Variants in TRIM4 observed in about 807,000 individuals in gnomAD.
The protein encoded by TRIM4 is tripartite motif containing 4.
In TRIM4, 29 loss-of-function variants were observed where a neutral mutation model predicts 33.7. The ratio of observed to expected loss-of-function variants is 0.86; its 90% CI spans 0.64 to 1.17. The LOEUF (loss-of-function observed/expected upper bound fraction) is 1.17, where lower values mean the gene tolerates loss of function less well. Ranked by LOEUF, TRIM4 falls within the 50% of genes most tolerant of loss-of-function variation. The pLI is 0.00. For missense variants in TRIM4, 554 were observed against 593.7 expected (o/e 0.93, Z 0.69); for synonymous variants, 224 against 233.0 (o/e 0.96, Z 0.35).
At chr7:99,918,657 G>A (rs1187906107) in intron 1 of TRIM4, among the ~76,000 whole-genome samples, 6 of 151,720 alleles carry the variant, frequency 4.0e-5, no homozygotes, top group Non-Finnish European at 1.5e-5. Context: ...TACAATTAAC[G>A]TCACCTCGTT....
intron 5 of TRIM4, among the ~76,000 whole-genome samples, chr7:99,895,615 ATTC>A (rs1818999710): frequency 6.6e-6 from 1 of 152,226 alleles, no homozygotes; most frequent in Non-Finnish European, 1.5e-5. Context: ...TTGCCTAATT[ATTC>A]TAAAAATTAT....
Position 99,919,343 on chromosome 7 carries a change from T to C in TRIM4, c.59A>G (p.Gln20Arg). 1 of 1,581,834 alleles carries C rather than the reference T, an allele frequency of 6.3e-7. No individual in the cohort carries two copies. Among genetic ancestry groups the C allele is most frequent in the Non-Finnish European group, 8.6e-7 (1 of 1,165,192 alleles). ...GCCGCACTCGATGGACACCGGGTCCTGGAAATAGTCCAGGCAGATGGGGCA... is the reference window on the plus strand; with the variant it reads ...GCCGCACTCGATGGACACCGGGTCCCGGAAATAGTCCAGGCAGATGGGGCA... ...LTCPICLDYF[Q>R]DPVSIECGHN... Residue 20 changes from glutamine to arginine, a missense_variant, in exon 1 of 6, where the codon CAG (glutamine) becomes CGG (arginine). Gln to Arg is a conservative substitution (Grantham distance 43). Coordinates refer to ENST00000349062, the MANE Select transcript of TRIM4 (RefSeq NM_033091.3).
At chr7:99,917,790 G>C in intron 1 of TRIM4, 1 of 982,688 alleles carries the variant, frequency 1.0e-6, no homozygotes, top group Non-Finnish European at 1.2e-6. Context: ...AATTCTGCTG[G>C]AGACCACTGG....
chr7:99,909,537 A>C, intron 2 of TRIM4, 28 bp downstream of exon 2: 1 of 1,604,006 alleles, frequency 6.2e-7, no homozygotes, highest in Non-Finnish European at 8.5e-7. Context: ...CTCAGGAGCA[A>C]GAAATATCCA....
In TRIM4 at chr7:99,903,215, C is replaced by T. The variant is rs765210148; in HGVS notation, c.841+3G>A. 8.7e-6 allele frequency: 14 copies of T among 1,605,510 alleles called. No individual in the cohort carries two copies. The African/African-American group carries it at 1.9e-4, about 22-fold the overall frequency. ...AGCCCCAAGTCCTAGAAATTCTGCT[C>T]ACCTTGGAATCGCTTTAGCATTTCC... On this transcript the variant is annotated splice_donor_region_variant and intron_variant, in intron 5 of 5. Coordinates refer to ENST00000349062, the MANE Select transcript of TRIM4 (RefSeq NM_033091.3).
rs146196299 is a variant in TRIM4 at position 99,914,243 on chromosome 7, G to A, written c.394-4583C>T. Among the ~76,000 whole-genome samples, 636 of 152,152 alleles carry A rather than the reference G, an allele frequency of 4.2e-3. 3 individuals are homozygous for A. The highest frequency in any genetic ancestry group is 0.015 in the African/African-American group (618 of 41,514). On this transcript the variant is annotated intron_variant, in intron 1 of 5. Transcript: ENST00000349062. ...CACGATCATAGCTCACTGCAGCCTC[G>A]AACTCCTGAGTGCAAGTGATCCTCT...
chr7:99,918,495 G>A (rs1370074001), intron 1 of TRIM4, among the ~76,000 whole-genome samples: 3 of 151,872 alleles, frequency 2.0e-5, no homozygotes, highest in African/African-American at 7.3e-5. Flanking sequence ...AACCCCGGAG[G>A]AGGAGGTTGC....
chr7:99,911,882 C>G (rs1819452400), intron 1 of TRIM4, among the ~76,000 whole-genome samples: 1 of 152,138 alleles, frequency 6.6e-6, no homozygotes, highest in South Asian at 2.1e-4. Flanking sequence ...TGGAAACAGT[C>G]CAGGTATTCA....
At chr7:99,903,129 C>A in intron 5 of TRIM4, 89 bp downstream of exon 5, 1 of 951,144 alleles carries the variant, frequency 1.1e-6, no homozygotes. Flanking sequence ...TAGCTGCATG[C>A]TGTTTCCTCT....
rs118033517 is a variant in TRIM4 at position 99,895,419 on chromosome 7, C to T, written c.842-2673G>A. ...AATTCCATTGTGATCAGAGAACATA[C>T]TCTGAATGATCGGAATCCTTTGAAT... On this transcript the variant is annotated intron_variant, in intron 5 of 5. Coordinates refer to ENST00000349062, the MANE Select transcript of TRIM4 (RefSeq NM_033091.3). Among the ~76,000 whole-genome samples, 997 of 152,198 alleles carry T rather than the reference C, an allele frequency of 6.6e-3. 5 individuals carry two copies. Among genetic ancestry groups the T allele is most frequent in the Middle Eastern group, 0.017 (5 of 294 alleles).
rs1818878827 is a variant in TRIM4, at chr7:99,890,915, C to G, written c.*1248G>C. 6.6e-6 allele frequency: 1 copy of G among 152,184 alleles called. No individual in the cohort carries two copies. The highest frequency in any genetic ancestry group is 1.5e-5 in the Non-Finnish European group (1 of 68,034). 9.4% of individuals were successfully genotyped at this position (152,184 alleles called of 1,614,324 possible). A position where few individuals can be genotyped will look rare whatever the true frequency, so the allele number is the denominator to read the frequency against. On this transcript the variant is annotated 3_prime_UTR_variant, in exon 6 of 6. Coordinates refer to ENST00000349062, the MANE Select transcript of TRIM4 (RefSeq NM_033091.3). ...CCTCGTTAAATCACTGCCTGAAAGT[C>G]TTTACTGAAAATCTGGGAGAAAATA...
At chr7:99,918,355 T>C (rs952177671) in intron 1 of TRIM4, among the ~76,000 whole-genome samples, 4 of 152,140 alleles carry the variant, frequency 2.6e-5, no homozygotes, top group Admixed American at 2.6e-4. Context: ...TCACTTGAGG[T>C]CAGCAGTTCG....
chr7:99,892,410 A>G lies in TRIM4; in HGVS notation c.1178T>C (p.Ile393Thr), dbSNP rs562484991. Residue 393 changes from isoleucine to threonine, a missense_variant, in exon 6 of 6, where the codon ATT becomes ACT. Ile to Thr is a moderately conservative substitution (Grantham distance 89). Transcript: ENST00000349062. The part of the protein sequence containing the change: ...KMSPDVGIWA[I>T]YWSAAGYWPL... ...CCAATAGCCAGCAGCACTCCAATAA[A>G]TCGCCCAGATGCCCACATCTGGGGA... is the stretch of plus-strand genomic sequence containing the variant. 5.6e-6 allele frequency: 9 copies of G among 1,614,022 alleles called. No individual in the cohort carries two copies. The African/African-American group carries it at 6.7e-5, about 12-fold the overall frequency.
In TRIM4 at chr7:99,891,315, T is replaced by C. The variant is rs1818888016; in HGVS notation, c.*848A>G. ...TTTTCTCATTTGTACAAATAGGATT[T>C]GACTTTCCATCTCACTGAGTTGTGA... is the stretch of plus-strand genomic sequence containing the variant. On this transcript the variant is annotated 3_prime_UTR_variant, in exon 6 of 6. Coordinates refer to ENST00000349062, the MANE Select transcript of TRIM4 (RefSeq NM_033091.3). The C allele has an allele frequency of 6.6e-6, 1 of 152,244 alleles. No individual in the cohort carries two copies. Among genetic ancestry groups the C allele is most frequent in the Non-Finnish European group, 1.5e-5 (1 of 68,044 alleles). 9.4% of individuals were successfully genotyped at this position (152,244 alleles called of 1,614,324 possible).
intron 1 of TRIM4, among the ~76,000 whole-genome samples, chr7:99,914,205 G>A (rs1328279314): frequency 6.6e-6 from 1 of 151,974 alleles, no homozygotes; most frequent in Non-Finnish European, 1.5e-5. Context: ...TATCCACAAC[G>A]CAGCCACAGT....
intron 2 of TRIM4, among the ~76,000 whole-genome samples, 186 bp downstream of exon 2, chr7:99,909,379 C>G (rs1209944324): frequency 6.6e-6 from 1 of 152,102 alleles, no homozygotes. Flanking sequence ...AGGGGCCTGA[C>G]AACTGAACTG....
At chr7:99,908,858 A>C (rs1819370867) in intron 2 of TRIM4, 46 bp from the exon 3 acceptor site, 1 of 1,556,262 alleles carries the variant, frequency 6.4e-7, no homozygotes, top group Non-Finnish European at 8.8e-7. Context: ...GCCTGACCCC[A>C]GCTACTAAAT....
At chr7:99,916,800 A>T (rs183589072) in intron 1 of TRIM4, 4 of 780,660 alleles carry the variant, frequency 5.1e-6, no homozygotes, top group Admixed American at 5.1e-5. Context: ...AAAAACGATC[A>T]TATCATTCCC....
chr7:99,916,891 T>A, intron 1 of TRIM4: 1 of 711,804 alleles, frequency 1.4e-6, no homozygotes, highest in Non-Finnish European at 2.6e-6. Context: ...AGATCCTTCA[T>A]GATAAGGCCC....
Sources: allele counts gnomAD v4.1 joint callset (sites outside exome capture counted in the v4.1 genomes callset), GRCh38; gene constraint gnomAD v4.1.1; transcripts MANE v1.5; gene names NCBI Gene and HGNC (gene_info 2026-07-23, HGNC 2026-07-21).